Variants in PARN observed in about 807,000 individuals in gnomAD.
PARN encodes the protein poly(A)-specific ribonuclease PARN.
Under a neutral mutation model 102.8 loss-of-function variants are expected in PARN, and 71 were observed. The observed-to-expected ratio is 0.69, with a 90% confidence interval of 0.57 to 0.84. The LOEUF is 0.84. Among genes scored for constraint, PARN ranks in the 40% least tolerant of loss-of-function variants. The pLI is 0.00. For synonymous variants in PARN, 261 were observed against 252.9 expected (o/e 1.03, Z -0.30); for missense variants, 782 against 760.9 (o/e 1.03, Z -0.33).
At chr16:14,452,718 G>A (rs1961518487) in intron 22 of PARN, among the ~76,000 whole-genome samples, 1 of 152,150 alleles carries the variant, frequency 6.6e-6, no homozygotes, top group Admixed American at 6.5e-5. Context: ...AATGGTTATT[G>A]GGCATCCTGC....
chr16:14,619,277 G>A (rs1366185796), intron 5 of PARN, among the ~76,000 whole-genome samples: 1 of 151,826 alleles, frequency 6.6e-6, no homozygotes, highest in Non-Finnish European at 1.5e-5. Flanking sequence ...CCTAGCATGA[G>A]CCAAAATATG....
intron 6 of PARN, among the ~76,000 whole-genome samples, chr16:14,614,874 AAAAAG>A (rs1567453983): frequency 3.4e-5 from 5 of 147,064 alleles, no homozygotes; most frequent in Non-Finnish European, 6.0e-5. Flanking sequence ...AAAAAAAAAA[AAAAAG>A]AAAAGAAAAG....
intron 21 of PARN, among the ~76,000 whole-genome samples, chr16:14,534,221 G>C (rs950202413): frequency 3.4e-5 from 2 of 59,386 alleles, no homozygotes; most frequent in Admixed American, 3.8e-4. Flanking sequence ...CCCTGTCTCA[G>C]AAAAAAAAAA....
At chr16:14,582,505 A>G (rs1316562877) in intron 16 of PARN, among the ~76,000 whole-genome samples, 1 of 152,180 alleles carries the variant, frequency 6.6e-6, no homozygotes, top group Non-Finnish European at 1.5e-5. Flanking sequence ...GAAATGCCTC[A>G]GTTAGATTAC....
intron 18 of PARN, among the ~76,000 whole-genome samples, chr16:14,558,021 C>A (rs928632341): frequency 6.6e-6 from 1 of 152,210 alleles, no homozygotes; most frequent in Admixed American, 6.5e-5. Context: ...AGTTAACTAA[C>A]CTAGGAATAA....
intron 23 of PARN, among the ~76,000 whole-genome samples, chr16:14,443,626 A>T (rs530969367): frequency 6.6e-6 from 1 of 152,210 alleles, no homozygotes; most frequent in African/African-American, 2.4e-5. Context: ...GGCATGAGCC[A>T]CTGTACCCGG....
At position 14,562,025 on chromosome 16, in the gene PARN, G is replaced by A. The variant is rs370341607; in HGVS notation, c.1263-6316C>T. Among the ~76,000 whole-genome samples the A allele has an allele frequency of 2.8e-3, 431 of 152,238 alleles. 4 individuals carry two copies. The highest frequency in any genetic ancestry group is 0.013 in the Admixed American group (192 of 15,298). ...AAATTAGCCAGGGGTGGTGGCGCACGCCTGTAATCCCAGCTACTCGGGAGG... is the reference window on the plus strand; with the variant it reads ...AAATTAGCCAGGGGTGGTGGCGCACACCTGTAATCCCAGCTACTCGGGAGG... On this transcript the variant is annotated intron_variant, in intron 18 of 23. Transcript: ENST00000437198.
Position 14,580,871 on chromosome 16 carries a change from T to C in PARN, c.1262+3A>G, listed in dbSNP as rs1352347424. On this transcript the variant is annotated splice_donor_region_variant and intron_variant, in intron 18 of 23. Coordinates refer to ENST00000437198, the MANE Select transcript of PARN (RefSeq NM_002582.4). ...TGGAAACTGGAACTCTCTGATTACT[T>C]ACTTGTTAAAAAAAGGTTCAATGAG... 2 of 1,582,438 alleles carry C rather than the reference T, an allele frequency of 1.3e-6. No individual in the cohort carries two copies. The highest frequency in any genetic ancestry group is 2.2e-5 in the East Asian group (1 of 44,720).
intron 2 of PARN, 88 bp from the exon 3 acceptor site, chr16:14,628,339 G>A (rs1257732977): frequency 6.9e-6 from 5 of 729,272 alleles, no homozygotes; most frequent in South Asian, 1.6e-5. Flanking sequence ...CTATAATGTC[G>A]TATCACGAAT....
At position 14,575,550 on chromosome 16, in the gene PARN, T is replaced by C. The variant is rs181862349; in HGVS notation, c.1262+5324A>G. On this transcript the variant is annotated intron_variant, in intron 18 of 23. Coordinates refer to ENST00000437198, the MANE Select transcript of PARN (RefSeq NM_002582.4). ...AGAGCCTGTAGCCAATTACTCCCAT[T>C]TGGAATGGCTGTATTTATCCATAGC... Among the ~76,000 whole-genome samples, 211 of 152,294 alleles carry C rather than the reference T, an allele frequency of 1.4e-3. 1 individual carries two copies. The highest frequency in any genetic ancestry group is 4.1e-3 in the African/African-American group (172 of 41,564).
At chr16:14,603,636 C>T (rs144336621) in intron 11 of PARN, among the ~76,000 whole-genome samples, 60 of 152,286 alleles carry the variant, frequency 3.9e-4, no homozygotes, top group Admixed American at 2.0e-3. Context: ...CACTATCCTA[C>T]GCCAGGTCAC....
chr16:14,500,906 T>C (rs1005721619), intron 21 of PARN, among the ~76,000 whole-genome samples: 2 of 152,186 alleles, frequency 1.3e-5, no homozygotes, highest in Non-Finnish European at 2.9e-5. Flanking sequence ...CCTAGCTTGC[T>C]TCTAAGGCTA....
chr16:14,627,801 A>G lies in PARN; in HGVS notation c.177+371T>C, dbSNP rs751596876. Among the ~76,000 whole-genome samples the G allele has an allele frequency of 4.6e-5, 7 of 152,212 alleles. 1 individual carries two copies. Among genetic ancestry groups the G allele is most frequent in the Non-Finnish European group, 8.8e-5 (6 of 68,040 alleles). ...CCAGAAGTTCGAGACCAGCCTGGTCAACAAAGTGAGACCGATCTCTACAAA... is the reference window on the plus strand; with the variant it reads ...CCAGAAGTTCGAGACCAGCCTGGTCGACAAAGTGAGACCGATCTCTACAAA... On this transcript the variant is annotated intron_variant, in intron 3 of 23. Coordinates refer to ENST00000437198, the MANE Select transcript of PARN (RefSeq NM_002582.4).
At chr16:14,531,533 C>T (rs992847990) in intron 21 of PARN, among the ~76,000 whole-genome samples, 1 of 152,144 alleles carries the variant, frequency 6.6e-6, no homozygotes, top group Non-Finnish European at 1.5e-5. Flanking sequence ...GTGGCAGGTT[C>T]CCAGATAAAT....
At chr16:14,529,749 C>A (rs1339628479) in intron 21 of PARN, among the ~76,000 whole-genome samples, 1 of 152,150 alleles carries the variant, frequency 6.6e-6, no homozygotes, top group African/African-American at 2.4e-5. Context: ...CTAACGAGGA[C>A]TATCATCCTC....
At chr16:14,529,561 G>A (rs1006503113) in intron 21 of PARN, among the ~76,000 whole-genome samples, 1 of 152,102 alleles carries the variant, frequency 6.6e-6, no homozygotes, top group Non-Finnish European at 1.5e-5. Context: ...TGCGCCCTAT[G>A]AAAGAAATTC....
chr16:14,595,265 AAG>A (rs1970430243), intron 12 of PARN, among the ~76,000 whole-genome samples: 2 of 152,112 alleles, frequency 1.3e-5, no homozygotes, highest in Admixed American at 1.3e-4. Context: ...CAAATAAGAA[AAG>A]AGAGGAAGCT....
chr16:14,583,422 T>C (rs1321508593), intron 16 of PARN, among the ~76,000 whole-genome samples: 2 of 152,184 alleles, frequency 1.3e-5, no homozygotes, highest in Non-Finnish European at 2.9e-5. Context: ...ATATTAAATA[T>C]TAGACTTGAT....
chr16:14,470,133 G>A (rs536151919), intron 22 of PARN, among the ~76,000 whole-genome samples: 50 of 152,156 alleles, frequency 3.3e-4, no homozygotes, highest in Non-Finnish European at 5.0e-4. Flanking sequence ...ACATGAAAGC[G>A]TTCTAACACA....
Sources: allele counts gnomAD v4.1 joint callset (sites outside exome capture counted in the v4.1 genomes callset), GRCh38; gene constraint gnomAD v4.1.1; transcripts MANE v1.5; gene names NCBI Gene and HGNC (gene_info 2026-07-23, HGNC 2026-07-21).